CADM2: variants seen among roughly 807,000 people sequenced by gnomAD.
CADM2 encodes the protein cell adhesion molecule 2.
A neutral mutation model predicts 49.8 loss-of-function variants in CADM2; 12 were observed. The ratio of observed to expected loss-of-function variants is 0.24; its 90% confidence interval spans 0.15 to 0.39. The LOEUF (loss-of-function observed/expected upper bound fraction) is 0.39, where lower values mean the gene tolerates loss of function less well. Ranked by LOEUF, CADM2 falls within the 10% of genes least tolerant of loss-of-function variation. CADM2 has a pLI of 1.00. For missense variants in CADM2, 378 were observed against 492.3 expected, an observed-to-expected ratio of 0.77 and a Z score of 2.20; for synonymous variants, 214 against 175.4, an observed-to-expected ratio of 1.22 and a Z score of -1.74.
intron 1 of CADM2, among the ~76,000 whole-genome samples, chr3:85,511,084 G>A (rs935194136): frequency 6.6e-6 from 1 of 151,988 alleles, no homozygotes; most frequent in East Asian, 1.9e-4. Context: ...TAGACCTTTC[G>A]AATGCCTACC....
intron 1 of CADM2, among the ~76,000 whole-genome samples, chr3:84,982,737 A>ATATAGT (rs1553663805): frequency 8.7e-6 from 1 of 115,380 alleles, no homozygotes; most frequent in African/African-American, 3.5e-5. Context: ...ATATATATAC[A>ATATAGT]TTTTTTGTTT....
chr3:85,359,406 G>T (rs899406739), intron 1 of CADM2, among the ~76,000 whole-genome samples: 3 of 151,440 alleles, frequency 2.0e-5, no homozygotes, highest in Non-Finnish European at 2.9e-5. Context: ...GGGGCAATGT[G>T]TACAGAATGG....
chr3:85,559,912 GA>G (rs1179579679), intron 1 of CADM2, among the ~76,000 whole-genome samples: 1 of 152,034 alleles, frequency 6.6e-6, no homozygotes, highest in African/African-American at 2.4e-5. Context: ...ATATCTCAGA[GA>G]AATGTTGCTC....
chr3:85,372,438 T>TATATGTGTAC (rs2033314954), intron 1 of CADM2, among the ~76,000 whole-genome samples: 1 of 150,438 alleles, frequency 6.6e-6, no homozygotes, highest in South Asian at 2.1e-4. Context: ...TATATATGTA[T>TATATGTGTAC]ATATGTGTAT....
At chr3:85,157,145 C>G (rs1329411067) in intron 1 of CADM2, among the ~76,000 whole-genome samples, 1 of 152,056 alleles carries the variant, frequency 6.6e-6, no homozygotes, top group Non-Finnish European at 1.5e-5. Context: ...ATGTGAAGGA[C>G]CTCTTCAAGG....
chr3:85,452,063 C>T (rs1393891563), intron 1 of CADM2, among the ~76,000 whole-genome samples: 2 of 152,122 alleles, frequency 1.3e-5, no homozygotes, highest in South Asian at 2.1e-4. Flanking sequence ...TGTAAGGCTT[C>T]TCATGTGCTT....
chr3:85,040,323 A>G (rs1341263202), intron 1 of CADM2, among the ~76,000 whole-genome samples: 1 of 152,168 alleles, frequency 6.6e-6, no homozygotes, highest in African/African-American at 2.4e-5. Flanking sequence ...AAGATCCTCT[A>G]AATAATTTAT....
intron 3 of CADM2, among the ~76,000 whole-genome samples, chr3:85,882,631 G>C (rs558342676): frequency 6.6e-6 from 1 of 152,234 alleles, no homozygotes; most frequent in South Asian, 2.1e-4. Flanking sequence ...CTCCCAAAAT[G>C]AGTCAAGTGA....
chr3:85,068,980 C>T (rs2036626663), intron 1 of CADM2, among the ~76,000 whole-genome samples: 3 of 151,882 alleles, frequency 2.0e-5, no homozygotes, highest in African/African-American at 7.3e-5. Context: ...ACCATTTAGT[C>T]CCCATTTCAA....
At position 85,740,101 on chromosome 3, in the gene CADM2, G is replaced by C. The variant is rs911823447; in HGVS notation, c.88+13553G>C. On this transcript the variant is annotated intron_variant, in intron 2 of 9. Coordinates refer to ENST00000383699, the MANE Select transcript of CADM2 (RefSeq NM_001167675.2). Reference sequence around the variant, plus strand: ...GGTGAAACAACTGAAATCAAAGGAGGAAATTAATTACATAGACATTCTAGT... The same window carrying C: ...GGTGAAACAACTGAAATCAAAGGAGCAAATTAATTACATAGACATTCTAGT... Among the ~76,000 whole-genome samples the C allele has an allele frequency of 4.6e-5, 7 of 152,190 alleles. No individual in the cohort carries two copies. In the East Asian group the frequency reaches 9.6e-4, roughly 21 times the overall value.
In CADM2 at chr3:85,784,216, T is replaced by A. The variant is rs190029057; in HGVS notation, c.89-17831T>A. Among the ~76,000 whole-genome samples, 4 of 152,340 alleles carry A rather than the reference T, an allele frequency of 2.6e-5. No homozygotes were observed. The South Asian group carries it at 8.3e-4, about 32-fold the overall frequency. ...TGTATCTTTGGCTAATTCTATTCAA[T>A]GCCCTTAATTTGAAAAATCTGTAGC... On this transcript the variant is annotated intron_variant, in intron 2 of 9. Coordinates refer to ENST00000383699, the MANE Select transcript of CADM2 (RefSeq NM_001167675.2).
intron 2 of CADM2, among the ~76,000 whole-genome samples, chr3:85,783,373 C>T (rs1253194364): frequency 6.6e-6 from 1 of 152,218 alleles, no homozygotes; most frequent in African/African-American, 2.4e-5. Flanking sequence ...TTCTCACCAA[C>T]ACTTCTGCTT....
chr3:85,163,238 A>G (rs565195835), intron 1 of CADM2, among the ~76,000 whole-genome samples: 19 of 152,248 alleles, frequency 1.2e-4, no homozygotes, highest in African/African-American at 4.3e-4. Context: ...ATGTATTACA[A>G]GCCTACTAGC....
rs556503329 is a variant in CADM2, at chr3:86,017,375, A to C, written c.971-48230A>C. 2.2e-4 allele frequency among the ~76,000 whole-genome samples: 34 copies of C among 152,100 alleles called. 1 individual carries two copies. The highest frequency in any genetic ancestry group is 8.3e-4 in the South Asian group (4 of 4,828). ...AGAGCTCAAAATTATTTGATTTCTG[A>C]AGAAAAATTATAAAATATTTTTACT... On this transcript the variant is annotated intron_variant, in intron 8 of 9. Transcript: ENST00000383699.
chr3:85,516,083 A>G (rs182287630), intron 1 of CADM2, among the ~76,000 whole-genome samples: 1 of 152,176 alleles, frequency 6.6e-6, no homozygotes, highest in African/African-American at 2.4e-5. Flanking sequence ...GAAAATGTTA[A>G]TAATATTCAT....
At chr3:85,067,279 CTG>C (rs5850663) in intron 1 of CADM2, among the ~76,000 whole-genome samples, 13,166 of 150,872 alleles carry the variant, frequency 0.087, 1,055 homozygotes, top group Admixed American at 0.25. Flanking sequence ...TCTAATTAAA[CTG>C]TGTGTGTGTG....
chr3:85,515,631 A>ATATATATATATATATT (rs1159969286), intron 1 of CADM2, among the ~76,000 whole-genome samples: 1 of 118,426 alleles, frequency 8.4e-6, no homozygotes, highest in African/African-American at 3.4e-5. Flanking sequence ...ATATATATAT[A>ATATATATATATATATT]TTTTTTTTTT....
At position 86,072,644 on chromosome 3, in the gene CADM2, T is replaced by G. The variant is rs1436092033; in HGVS notation, c.*5861T>G. The stretch of plus-strand genomic sequence containing the variant: ...ACAGTACTGTCAAACCTCAAATGCT[T>G]TCTTTCTTCAGATGCTTTTTCGTGT... On this transcript the variant is annotated 3_prime_UTR_variant, in exon 10 of 10. Coordinates refer to ENST00000383699, the MANE Select transcript of CADM2 (RefSeq NM_001167675.2). 1 of 152,056 alleles carries G rather than the reference T, an allele frequency of 6.6e-6. No homozygotes were observed. Among genetic ancestry groups the G allele is most frequent in the Non-Finnish European group, 1.5e-5 (1 of 67,964 alleles). 9.4% of individuals were successfully genotyped at this position (152,056 alleles called of 1,614,324 possible).
chr3:85,000,499 T>C (rs1207851523), intron 1 of CADM2, among the ~76,000 whole-genome samples: 1 of 152,126 alleles, frequency 6.6e-6, no homozygotes, highest in Non-Finnish European at 1.5e-5. Context: ...CTGATACTTT[T>C]CTAAGTAAAA....
Sources: allele counts gnomAD v4.1 joint callset (sites outside exome capture counted in the v4.1 genomes callset), GRCh38; gene constraint gnomAD v4.1.1; transcripts MANE v1.5; gene names NCBI Gene and HGNC (gene_info 2026-07-23, HGNC 2026-07-21).